The following TMPRSS11E variants were observed in gnomAD, a reference collection of about 807,000 sequenced individuals.
TMPRSS11E encodes the protein transmembrane protease serine 11E.
TMPRSS11E carries 38 observed loss-of-function variants against 48.1 expected under a neutral mutation model. The observed-to-expected ratio is 0.79, with a 90% CI of 0.61 to 1.04. The LOEUF is 1.04. TMPRSS11E is among the 50% of genes least tolerant of loss of function. The probability of loss-of-function intolerance (pLI) is 0.00; values close to 1 mark genes in which losing one functional copy is unlikely to be tolerated. For missense variants in TMPRSS11E, 530 were observed against 510.8 expected (o/e 1.04, Z -0.36); for synonymous variants, 158 against 171.9 (o/e 0.92, Z 0.63).
At chr4:68,490,028 G>C (rs1441359578) in intron 9 of TMPRSS11E, among the ~76,000 whole-genome samples, 1 of 152,174 alleles carries the variant, frequency 6.6e-6, no homozygotes. Context: ...TGGGGGATGA[G>C]GGGTCTCCTG....
In TMPRSS11E at chr4:68,461,940, G is replaced by T. The variant is rs1231786181; in HGVS notation, c.131G>T (p.Arg44Ile). Residue 44 changes from arginine (R) to isoleucine (I), a missense_variant, in exon 2 of 10, where the codon AGA becomes ATA. Arg to Ile is a moderately conservative substitution (Grantham distance 97, BLOSUM62 -3). Coordinates refer to ENST00000305363, the MANE Select transcript of TMPRSS11E (RefSeq NM_014058.4). ...VCIGLTVHYV[R>I]YNQKKTYNYY... ...ATTGGACTCACTGTTCATTATGTGA[G>T]ATATAGTAAGTATAAGCTGCCTTGG... 1 of 1,614,150 alleles carries T rather than the reference G, an allele frequency of 6.2e-7. No individual in the cohort carries two copies. The highest frequency in any genetic ancestry group is 1.7e-5 in the Admixed American group (1 of 60,022).
intron 9 of TMPRSS11E, among the ~76,000 whole-genome samples, chr4:68,482,969 C>T (rs1051180578): frequency 6.6e-6 from 1 of 152,130 alleles, no homozygotes; most frequent in Non-Finnish European, 1.5e-5. Context: ...TTACCTGTTA[C>T]CCAGTTGCCA....
intron 8 of TMPRSS11E, 78 bp from the exon 9 acceptor site, chr4:68,478,771 T>C: frequency 6.6e-7 from 1 of 1,521,958 alleles, no homozygotes. Context: ...ACCATCTTAT[T>C]CCTAATCATG....
rs748267767 is a variant in TMPRSS11E, at chr4:68,496,843, G to GT, written c.*45dup. The GT allele has an allele frequency of 1.2e-5, 19 of 1,561,228 alleles. No individual in the cohort carries two copies. The highest frequency in any genetic ancestry group is 9.7e-5 in the African/African-American group (7 of 71,890). On this transcript the variant is annotated 3_prime_UTR_variant, in exon 10 of 10. Transcript: ENST00000305363. ...CATGGAACAGATAACATTTTTTTTT[G>GT]TTTTTTGGGTGTGGAGGCCATTTTT...
At chr4:68,492,834 A>G (rs1729767160) in intron 9 of TMPRSS11E, among the ~76,000 whole-genome samples, 1 of 152,190 alleles carries the variant, frequency 6.6e-6, no homozygotes, top group Non-Finnish European at 1.5e-5. Context: ...CACGACTACC[A>G]TGAATAATGA....
At chr4:68,462,542 C>T (rs753944979) in intron 2 of TMPRSS11E, among the ~76,000 whole-genome samples, 5 of 151,500 alleles carry the variant, frequency 3.3e-5, no homozygotes, top group Admixed American at 1.3e-4. Flanking sequence ...GAGATCACAC[C>T]GCTGCACTCC....
intron 1 of TMPRSS11E, among the ~76,000 whole-genome samples, chr4:68,459,094 A>G (rs2109668935): frequency 6.6e-6 from 1 of 152,238 alleles, no homozygotes; most frequent in Admixed American, 6.5e-5. Context: ...CAGAAATATA[A>G]TCTCTTAATT....
chr4:68,479,607 CCTCTTTAATATTAAACAT>C (rs1387424861), intron 9 of TMPRSS11E, among the ~76,000 whole-genome samples: 1 of 149,546 alleles, frequency 6.7e-6, no homozygotes, highest in Admixed American at 6.7e-5. Context: ...TTTGCTTTTC[CCTCTTTAATATTAAACAT>C]TAACAAATAT....
intron 4 of TMPRSS11E, among the ~76,000 whole-genome samples, chr4:68,470,480 T>C (rs1729036002): frequency 6.6e-6 from 1 of 151,898 alleles, no homozygotes; most frequent in Non-Finnish European, 1.5e-5. Context: ...TTTCGTGTCC[T>C]GAAAATAGTG....
chr4:68,461,961 C>T lies in TMPRSS11E; in HGVS notation c.136+16C>T. On this transcript the variant is annotated intron_variant, in intron 2 of 9. Coordinates refer to ENST00000305363, the MANE Select transcript of TMPRSS11E (RefSeq NM_014058.4). The stretch of plus-strand genomic sequence containing the variant: ...GTGAGATATAGTAAGTATAAGCTGC[C>T]TTGGCATCATGTGATTTACCCCAAA... The T allele has an allele frequency of 6.2e-7, 1 of 1,613,682 alleles. No homozygotes were observed. The highest frequency in any genetic ancestry group is 1.1e-5 in the South Asian group (1 of 91,048).
intron 1 of TMPRSS11E, among the ~76,000 whole-genome samples, chr4:68,461,231 G>A (rs1353205385): frequency 6.6e-6 from 1 of 152,124 alleles, no homozygotes; most frequent in Non-Finnish European, 1.5e-5. Context: ...AAAACCTCAG[G>A]TTCTTTAGGA....
intron 1 of TMPRSS11E, among the ~76,000 whole-genome samples, chr4:68,458,264 A>G (rs1728689017): frequency 6.6e-6 from 1 of 151,922 alleles, no homozygotes. Context: ...TTTCTTTTTT[A>G]GCACTATTCT....
chr4:68,489,725 A>T (rs939823620), intron 9 of TMPRSS11E, among the ~76,000 whole-genome samples: 13 of 152,216 alleles, frequency 8.5e-5, no homozygotes, highest in African/African-American at 3.1e-4. Flanking sequence ...TGGGCAGCTG[A>T]GGCAGTGCTG....
chr4:68,493,417 C>T (rs1466514067), intron 9 of TMPRSS11E, among the ~76,000 whole-genome samples: 1 of 152,090 alleles, frequency 6.6e-6, no homozygotes, highest in African/African-American at 2.4e-5. Context: ...GCCAAATTTG[C>T]CCTATGATTA....
intron 2 of TMPRSS11E, among the ~76,000 whole-genome samples, chr4:68,465,044 T>C (rs1204579951): frequency 6.6e-6 from 1 of 152,202 alleles, no homozygotes; most frequent in African/African-American, 2.4e-5. Context: ...AGAACAGTAG[T>C]TTACAGAGAT....
At position 68,476,429 on chromosome 4, in the gene TMPRSS11E, G is replaced by C; in HGVS notation, c.698G>C (p.Cys233Ser). The C allele has an allele frequency of 1.2e-6, 2 of 1,608,670 alleles. No homozygotes were observed. Among genetic ancestry groups the C allele is most frequent in the Non-Finnish European group, 1.7e-6 (2 of 1,176,620 alleles). ...ACATGGCTTGTGAGTGCTGCTCACT[G>C]TTTTACAACGTAAGTCTTGAAGCTT... ...NATWLVSAAH[C>S]FTTYKNPARW... Residue 233 changes from cysteine to serine, a missense_variant, in exon 7 of 10, where the codon TGT (cysteine) becomes TCT (serine). Transcript: ENST00000305363.
At chr4:68,481,821 T>C (rs1266233114) in intron 9 of TMPRSS11E, among the ~76,000 whole-genome samples, 2 of 152,070 alleles carry the variant, frequency 1.3e-5, no homozygotes, top group African/African-American at 4.8e-5. Context: ...TGGTGGTGTG[T>C]GCCTGTAGTC....
intron 9 of TMPRSS11E, among the ~76,000 whole-genome samples, chr4:68,484,547 A>G (rs1043080264): frequency 6.6e-6 from 1 of 152,150 alleles, no homozygotes; most frequent in Admixed American, 6.5e-5. Context: ...AGCTCAAGCA[A>G]TCCTCCTGCC....
intron 9 of TMPRSS11E, 44 bp downstream of exon 9, chr4:68,479,035 A>G (rs991418827): frequency 1.9e-6 from 3 of 1,602,230 alleles, no homozygotes; most frequent in Admixed American, 1.8e-5. Context: ...TTTTTTGTTT[A>G]CTTTTCTTTG....
Sources: gnomAD v4.1 joint callset for allele counts (sites outside exome capture counted in the v4.1 genomes callset) on GRCh38, gnomAD v4.1.1 for gene constraint, MANE v1.5 for transcripts, NCBI Gene and HGNC (gene_info 2026-07-23, HGNC 2026-07-21) for gene names.